Variants in TMEM223 observed in about 807,000 individuals in gnomAD.
The protein encoded by TMEM223 is transmembrane protein 223.
TMEM223 carries 14 observed loss-of-function variants against 14.1 expected under a neutral mutation model. The ratio of observed to expected loss-of-function variants is 0.99; its 90% CI spans 0.66 to 1.55. TMEM223 has a LOEUF of 1.55. Among genes scored for constraint, TMEM223 ranks in the 40% most tolerant of loss-of-function variants. The pLI is 0.00. For missense variants in TMEM223, 346 were observed against 269.9 expected (o/e 1.28, Z -1.97); for synonymous variants, 145 against 120.5 (o/e 1.20, Z -1.33).
intron 1 of TMEM223, among the ~76,000 whole-genome samples, chr11:62,780,590 T>C (rs1488050647): frequency 6.6e-6 from 1 of 151,368 alleles, no homozygotes; most frequent in Non-Finnish European, 1.5e-5. Context: ...GAAAAAGTAA[T>C]ACTAGTACAT....
chr11:62,786,953 G>A, downstream of TMEM223: 4 of 1,449,862 alleles, frequency 2.8e-6, no homozygotes, highest in Non-Finnish European at 3.6e-6. Context: ...GGCGGAGGCG[G>A]CCCCGCGTCG....
downstream of TMEM223, chr11:62,789,061 C>T (rs746676299): frequency 2.5e-6 from 4 of 1,614,056 alleles, no homozygotes; most frequent in South Asian, 3.3e-5. Context: ...ATGGTGTGGC[C>T]ACCCTGAATG....
chr11:62,782,911 T>G, downstream of TMEM223: 1 of 1,553,478 alleles, frequency 6.4e-7, no homozygotes, highest in Non-Finnish European at 8.7e-7. Context: ...ATCTCCAAAA[T>G]AGTGTGTGCC....
downstream of TMEM223, chr11:62,789,343 C>T (rs1033397930): frequency 1.2e-6 from 2 of 1,613,904 alleles, no homozygotes; most frequent in South Asian, 1.1e-5. Context: ...TAGCCGTCTT[C>T]CTGGTCTTGG....
chr11:62,782,506 A>T, intron 1 of TMEM223: 1 of 1,051,454 alleles, frequency 9.5e-7, no homozygotes, highest in Non-Finnish European at 1.4e-6. Context: ...AAAATGGATT[A>T]CAAATACGCC....
At chr11:62,778,555 G>A in intron 1 of TMEM223, 1 of 637,850 alleles carries the variant, frequency 1.6e-6, no homozygotes, top group East Asian at 2.7e-5. Context: ...TGGATGCTAA[G>A]ACAGAAGTCT....
At chr11:62,789,630 C>A, downstream of TMEM223, 1 of 1,549,950 alleles carries the variant, frequency 6.5e-7, no homozygotes, top group Non-Finnish European at 8.7e-7. Context: ...ATTCCATGGA[C>A]ACCCCCTGGA....
At chr11:62,779,018 T>C in intron 1 of TMEM223, 20 of 1,313,706 alleles carry the variant, frequency 1.5e-5, no homozygotes, top group Non-Finnish European at 2.0e-5. Context: ...ATTCTAGACC[T>C]GTTTTTTTTT....
downstream of TMEM223, chr11:62,787,182 G>A (rs1049331503): frequency 5.7e-6 from 9 of 1,586,950 alleles, no homozygotes; most frequent in African/African-American, 2.7e-5. Flanking sequence ...TCCCCGCGCC[G>A]TACGGGCCTA....
downstream of TMEM223, chr11:62,789,179 A>G: frequency 6.2e-7 from 1 of 1,614,096 alleles, no homozygotes; most frequent in Non-Finnish European, 8.5e-7. Flanking sequence ...GCTCTTCTGG[A>G]TCTACAGCAG....
At chr11:62,786,615 A>T (rs2084279260), downstream of TMEM223, 1 of 1,595,886 alleles carries the variant, frequency 6.3e-7, no homozygotes, top group Non-Finnish European at 8.5e-7. Flanking sequence ...ACGACCTGCC[A>T]TGGGACAGCC....
At chr11:62,789,891 T>G (rs1460136062), downstream of TMEM223, 4 of 1,613,384 alleles carry the variant, frequency 2.5e-6, no homozygotes, top group African/African-American at 5.3e-5. Flanking sequence ...TACAGACCTC[T>G]TCTTGGGTGA....
chr11:62,778,396 T>C (rs2084202861), intron 1 of TMEM223: 1 of 1,579,360 alleles, frequency 6.3e-7, no homozygotes, highest in Non-Finnish European at 8.7e-7. Context: ...GTTCTGAGGG[T>C]GGTGCCTATG....
chr11:62,784,725 G>A (rs2084257752), downstream of TMEM223, among the ~76,000 whole-genome samples: 1 of 152,140 alleles, frequency 6.6e-6, no homozygotes, highest in Non-Finnish European at 1.5e-5. Flanking sequence ...CAGATTTCCT[G>A]ATAGTAAACA....
At chr11:62,787,173 C>A (rs1257922806), downstream of TMEM223, 2 of 1,584,870 alleles carry the variant, frequency 1.3e-6, no homozygotes, top group Non-Finnish European at 1.7e-6. Flanking sequence ...AGACTGCCTT[C>A]CCCGCGCCGT....
At chr11:62,787,330 C>T, downstream of TMEM223, 2 of 1,523,270 alleles carry the variant, frequency 1.3e-6, no homozygotes, top group African/African-American at 1.4e-5. Context: ...TAAATAAATC[C>T]CGCCCCCGGA....
At chr11:62,784,885 T>A (rs1196624233), downstream of TMEM223, among the ~76,000 whole-genome samples, 1 of 152,202 alleles carries the variant, frequency 6.6e-6, no homozygotes, top group Non-Finnish European at 1.5e-5. Flanking sequence ...AAATTAAACA[T>A]GTTTCCTCTC....
downstream of TMEM223, chr11:62,789,963 C>T (rs765189188): frequency 1.9e-6 from 3 of 1,613,926 alleles, no homozygotes; most frequent in African/African-American, 1.3e-5. Context: ...CTGAAGCCAC[C>T]CCATACCGGC....
intron 1 of TMEM223, chr11:62,775,951 G>A (rs1304748466): frequency 1.3e-6 from 2 of 1,583,984 alleles, no homozygotes; most frequent in Non-Finnish European, 1.7e-6. Context: ...CTCACCCCCT[G>A]ATACCTCCAA....
Sources: gnomAD v4.1 joint callset for allele counts (sites outside exome capture counted in the v4.1 genomes callset) on GRCh38, gnomAD v4.1.1 for gene constraint, MANE v1.5 for transcripts, NCBI Gene and HGNC (gene_info 2026-07-23, HGNC 2026-07-21) for gene names.